SIK2: variants seen among roughly 807,000 people sequenced by gnomAD.
SIK2 encodes the protein salt inducible kinase 2.
A neutral mutation model predicts 103.2 loss-of-function variants in SIK2; 29 were observed. The ratio of observed to expected loss-of-function variants is 0.28; its 90% confidence interval spans 0.21 to 0.38. The LOEUF (loss-of-function observed/expected upper bound fraction) is 0.38. Ranked by LOEUF, SIK2 falls within the 10% of genes least tolerant of loss-of-function variation. SIK2 has a pLI of 1.00. For missense variants in SIK2, 879 were observed against 1,171.0 expected, an observed-to-expected ratio of 0.75 and a Z score of 3.64; for synonymous variants, 412 against 446.1, an observed-to-expected ratio of 0.92 and a Z score of 0.96.
chr11:111,653,285 A>G (rs1942350227), intron 3 of SIK2, among the ~76,000 whole-genome samples: 1 of 152,242 alleles, frequency 6.6e-6, no homozygotes, highest in Non-Finnish European at 1.5e-5. Context: ...CATAGTATAC[A>G]TTATAGAAAT....
At position 111,688,628 on chromosome 11, in the gene SIK2, T is replaced by C. The variant is rs1413460460; in HGVS notation, c.478+466T>C. Among the ~76,000 whole-genome samples the C allele has an allele frequency of 6.6e-6, 1 of 152,228 alleles. No individual in the cohort carries two copies. Among genetic ancestry groups the C allele is most frequent in the South Asian group, 2.1e-4 (1 of 4,832 alleles). ...AGCACCTTTCCTTGATCTGATACGA[T>C]AGGGTTTTGATTTATAACATGAAAA... On this transcript the variant is annotated intron_variant, in intron 4 of 14. Transcript: ENST00000304987. This position sits in a 1 kb window ranked among gnomAD's most constrained non-coding sequence, Gnocchi z 4.2.
chr11:111,660,429 GTGTACC>G, intron 3 of SIK2, among the ~76,000 whole-genome samples: 1 of 152,292 alleles, frequency 6.6e-6, no homozygotes, highest in South Asian at 2.1e-4. Context: ...TGGGTCAGGT[GTGTACC>G]TGTGTAGTAT....
At chr11:111,713,377 ACCT>A (rs1484149930) in intron 9 of SIK2, among the ~76,000 whole-genome samples, 1 of 151,974 alleles carries the variant, frequency 6.6e-6, no homozygotes, top group Non-Finnish European at 1.5e-5. Context: ...TTCAAAATAG[ACCT>A]CCTCTTAGTG....
intron 3 of SIK2, among the ~76,000 whole-genome samples, chr11:111,658,286 G>A (rs746010904): frequency 4.7e-4 from 72 of 151,892 alleles, no homozygotes; most frequent in Non-Finnish European, 6.5e-4. Flanking sequence ...CACCACGCCC[G>A]GTTAATTTTT....
rs957317473 is a variant in SIK2, at chr11:111,727,863, A to G, written c.*3734A>G. On this transcript the variant is annotated 3_prime_UTR_variant, in exon 15 of 15. Coordinates refer to ENST00000304987, the MANE Select transcript of SIK2 (RefSeq NM_015191.3). ...CGGGCAGTTGAGGATGCAAGGACAC[A>G]GTGAGTGAGTGGCGCTCCTTTTTGG... 6.6e-6 allele frequency: 1 copy of G among 152,278 alleles called. No individual in the cohort carries two copies. Among genetic ancestry groups the G allele is most frequent in the African/African-American group, 2.4e-5 (1 of 41,454 alleles). 9.4% of individuals were successfully genotyped at this position (152,278 alleles called of 1,614,324 possible).
At position 111,723,483 on chromosome 11, in the gene SIK2, A is replaced by G. The variant is rs1379200420; in HGVS notation, c.2148-13A>G. On this transcript the variant is annotated splice_polypyrimidine_tract_variant and intron_variant, in intron 14 of 14. Transcript: ENST00000304987. ...AAGATTTAAAATTCTTTCCTTTGATATTACCAATTTAGGCTCCAGCAGAAG... is the reference window on the plus strand; with the variant it reads ...AAGATTTAAAATTCTTTCCTTTGATGTTACCAATTTAGGCTCCAGCAGAAG... 8 of 1,578,854 alleles carry G rather than the reference A, an allele frequency of 5.1e-6. No homozygotes were observed. Among genetic ancestry groups the G allele is most frequent in the Non-Finnish European group, 6.9e-6 (8 of 1,162,318 alleles).
chr11:111,682,539 G>A (rs1591613891), intron 3 of SIK2, among the ~76,000 whole-genome samples: 2 of 152,270 alleles, frequency 1.3e-5, no homozygotes, highest in East Asian at 3.9e-4. Flanking sequence ...TTGCACTTAT[G>A]TAAGAAAATG....
rs972623473 is a variant in SIK2, at chr11:111,721,960, AG to A, written c.2055+21del. 11 of 1,530,710 alleles carry A rather than the reference AG, an allele frequency of 7.2e-6. No homozygotes were observed. In the African/African-American group the frequency reaches 1.2e-4, roughly 17 times the overall value. 94.8% of individuals were successfully genotyped at this position (1,530,710 alleles called of 1,614,324 possible). A position where few individuals can be genotyped will look rare whatever the true frequency, so the allele number is the denominator to read the frequency against. The stretch of plus-strand genomic sequence containing the variant: ...CTCCAGGTGGGTCCTTCTCCTTGCG[AG>A]TCCACCTCACTCTGCTCATCCAGAA... On this transcript the variant is annotated intron_variant, in intron 13 of 14. Transcript: ENST00000304987.
At chr11:111,716,293 A>G (rs1167566367) in intron 9 of SIK2, among the ~76,000 whole-genome samples, 3 of 152,134 alleles carry the variant, frequency 2.0e-5, no homozygotes, top group African/African-American at 4.8e-5. Context: ...TGAAAAGGAT[A>G]TACATCTGGC....
At chr11:111,647,248 TA>T (rs1410439414) in intron 3 of SIK2, among the ~76,000 whole-genome samples, 1 of 152,206 alleles carries the variant, frequency 6.6e-6, no homozygotes, top group Non-Finnish European at 1.5e-5. Context: ...TCCTTGAAAC[TA>T]AATCTTTGAA....
At chr11:111,637,253 T>G (rs1349961725) in intron 3 of SIK2, among the ~76,000 whole-genome samples, 2 of 152,042 alleles carry the variant, frequency 1.3e-5, no homozygotes, top group African/African-American at 4.8e-5. Context: ...TTTATTTTGT[T>G]CCCTAGTTAT....
rs541578423 is a variant in SIK2 at position 111,639,285 on chromosome 11, T to A, written c.316+18883T>A. Among the ~76,000 whole-genome samples the A allele has an allele frequency of 1.5e-3, 221 of 152,190 alleles. 1 individual carries two copies. The highest frequency in any genetic ancestry group is 2.6e-3 in the Non-Finnish European group (177 of 68,028). ...AGATTTCTGAGCCTTTATTATTATTTTTTTTCTGCATAGTCCCTCTTCTCC... is the reference window on the plus strand; with the variant it reads ...AGATTTCTGAGCCTTTATTATTATTATTTTTCTGCATAGTCCCTCTTCTCC... On this transcript the variant is annotated intron_variant, in intron 3 of 14. Coordinates refer to ENST00000304987, the MANE Select transcript of SIK2 (RefSeq NM_015191.3).
chr11:111,671,629 G>A, intron 3 of SIK2: 1 of 352,140 alleles, frequency 2.8e-6, no homozygotes, highest in South Asian at 2.7e-5. Context: ...CATGTCCAGG[G>A]AGCAGCTGTT....
Position 111,726,933 on chromosome 11 carries a change from A to ATT in SIK2, c.*2809_*2810dup, listed in dbSNP as rs756605426. The ATT allele has an allele frequency of 3.1e-6, 5 of 1,605,732 alleles. No homozygotes were observed. Among genetic ancestry groups the ATT allele is most frequent in the Non-Finnish European group, 4.3e-6 (5 of 1,172,630 alleles). On this transcript the variant is annotated 3_prime_UTR_variant, in exon 15 of 15. Transcript: ENST00000304987. ...AAAAGTGCAATATGTGTGGTACTTTATTTTTTATGTTCTTTTTTTAAATCT... is the reference window on the plus strand; with the variant it reads ...AAAAGTGCAATATGTGTGGTACTTTATTTTTTTTATGTTCTTTTTTTAAATCT...
intron 2 of SIK2, among the ~76,000 whole-genome samples, chr11:111,618,756 C>T (rs191337329): frequency 4.6e-5 from 7 of 152,136 alleles, no homozygotes; most frequent in African/African-American, 7.2e-5. Context: ...TAAAAGAAAA[C>T]GTCTTGCTCT....
At chr11:111,718,389 AG>A (rs1943707698) in intron 9 of SIK2, among the ~76,000 whole-genome samples, 1 of 152,230 alleles carries the variant, frequency 6.6e-6, no homozygotes, top group Non-Finnish European at 1.5e-5. Flanking sequence ...GTTGCTGGCC[AG>A]GTTTCAGAGT....
chr11:111,694,181 G>A (rs1278261748), intron 4 of SIK2, among the ~76,000 whole-genome samples: 1 of 152,116 alleles, frequency 6.6e-6, no homozygotes, highest in Non-Finnish European at 1.5e-5. Context: ...TTGATTCCCT[G>A]TGAAAACAAA....
Position 111,722,814 on chromosome 11 carries a change from C to CATTCAG in SIK2, c.2147+58_2147+59insATTCAG. ...TCCTTTTCTGGAAGCCTTGAGAACACTGAATGTGTTGTCCTTTTCCTCTCA... is the reference window on the plus strand; with the variant it reads ...TCCTTTTCTGGAAGCCTTGAGAACACATTCAGTGAATGTGTTGTCCTTTTCCTCTCA... On this transcript the variant is annotated intron_variant, in intron 14 of 14. Coordinates refer to ENST00000304987, the MANE Select transcript of SIK2 (RefSeq NM_015191.3). This position sits in a 1 kb window ranked among gnomAD's most constrained non-coding sequence, Gnocchi z 4.4. 5 of 1,504,860 alleles carry CATTCAG rather than the reference C, an allele frequency of 3.3e-6. No individual in the cohort carries two copies. The highest frequency in any genetic ancestry group is 4.6e-6 in the Non-Finnish European group (5 of 1,087,538). The allele number at this position is 1,504,860 out of a possible 1,614,324, so 93.2% of individuals were successfully genotyped here. A position where few individuals can be genotyped will look rare whatever the true frequency, so the allele number is the denominator to read the frequency against.
intron 3 of SIK2, among the ~76,000 whole-genome samples, chr11:111,666,680 A>G (rs954124874): frequency 6.6e-6 from 1 of 152,206 alleles, no homozygotes; most frequent in Non-Finnish European, 1.5e-5. Flanking sequence ...ACATCAGATT[A>G]CTAAATTTCT....
Sources: allele counts gnomAD v4.1 joint callset (sites outside exome capture counted in the v4.1 genomes callset), GRCh38; gene constraint gnomAD v4.1.1; non-coding constraint Gnocchi (gnomAD v3.1); transcripts MANE v1.5; gene names NCBI Gene and HGNC (gene_info 2026-07-23, HGNC 2026-07-21).